The following CYB5R4 variants were observed in gnomAD, a reference collection of about 807,000 sequenced individuals.
CYB5R4 encodes N-terminal cytochrome b5 and cytochrome b5 oxidoreductase domain-containing protein.
In CYB5R4, 55 loss-of-function variants were observed where a neutral mutation model predicts 70.2. That is an observed-to-expected ratio of 0.78 (90% CI 0.63 to 0.98). CYB5R4 has a LOEUF of 0.98. Among genes scored for constraint, CYB5R4 ranks in the 50% least tolerant of loss-of-function variants. The pLI is 0.00. For missense variants in CYB5R4, 562 were observed against 612.6 expected, an observed-to-expected ratio of 0.92 and a Z score of 0.87; for synonymous variants, 197 against 199.5, an observed-to-expected ratio of 0.99 and a Z score of 0.11.
Position 83,965,797 on chromosome 6 carries a change from G to C in CYB5R4, c.*5919G>C, listed in dbSNP as rs768302682. 6.6e-6 allele frequency: 1 copy of C among 152,138 alleles called. No homozygotes were observed. The highest frequency in any genetic ancestry group is 1.5e-5 in the Non-Finnish European group (1 of 68,034). The allele number at this position is 152,138 out of a possible 1,614,324, so 9.4% of individuals were successfully genotyped here. A position where few individuals can be genotyped will look rare whatever the true frequency, so the allele number is the denominator to read the frequency against. On this transcript the variant is annotated 3_prime_UTR_variant, in exon 16 of 16. Coordinates refer to ENST00000369681, the MANE Select transcript of CYB5R4 (RefSeq NM_016230.4). ...GTGTTATACGTGGGACCTGGTGGGA[G>C]ATAATTTGAATCATGGGGGTGGTTT...
chr6:83,901,609 G>T (rs1189949226), intron 3 of CYB5R4, among the ~76,000 whole-genome samples: 1 of 152,014 alleles, frequency 6.6e-6, no homozygotes, highest in Admixed American at 6.6e-5. Flanking sequence ...ATCAGACGTA[G>T]ATTTGGTCTT....
chr6:83,885,093 A>ATC (rs1388403412), intron 2 of CYB5R4, among the ~76,000 whole-genome samples: 1 of 152,156 alleles, frequency 6.6e-6, no homozygotes, highest in Non-Finnish European at 1.5e-5. Context: ...TTTTAAAATA[A>ATC]TTTTACAAAT....
intron 8 of CYB5R4, among the ~76,000 whole-genome samples, chr6:83,921,746 A>G (rs2099466410): frequency 6.6e-6 from 1 of 152,268 alleles, no homozygotes; most frequent in African/African-American, 2.4e-5. Flanking sequence ...AGTTAAAAAT[A>G]TGAAACTCTT....
chr6:83,870,137 G>C (rs1011482496), intron 2 of CYB5R4, among the ~76,000 whole-genome samples: 1 of 152,148 alleles, frequency 6.6e-6, no homozygotes, highest in Non-Finnish European at 1.5e-5. Flanking sequence ...TGACAAACAT[G>C]TTGTCATTAT....
chr6:83,878,393 G>T (rs562498603), intron 2 of CYB5R4, among the ~76,000 whole-genome samples: 3 of 151,884 alleles, frequency 2.0e-5, no homozygotes, highest in Non-Finnish European at 4.4e-5. Context: ...TGTCACCCAG[G>T]CTGGAGTGCA....
chr6:83,871,742 A>AT, intron 2 of CYB5R4, among the ~76,000 whole-genome samples: 1 of 152,062 alleles, frequency 6.6e-6, no homozygotes, highest in East Asian at 1.9e-4. Flanking sequence ...GAATTCATTA[A>AT]TTTTATCTCA....
Position 83,866,387 on chromosome 6 carries a change from A to G in CYB5R4, c.229+2059A>G, listed in dbSNP as rs773625753. 5.9e-5 allele frequency among the ~76,000 whole-genome samples: 9 copies of G among 152,280 alleles called. No homozygotes were observed. The East Asian group carries it at 1.7e-3, about 29-fold the overall frequency. On this transcript the variant is annotated intron_variant, in intron 2 of 15. Coordinates refer to ENST00000369681, the MANE Select transcript of CYB5R4 (RefSeq NM_016230.4). ...TTTCAAATTTTGGAATATTTGCATT[A>G]TATACTTACTGGTTGAGCATCCCAA... is the stretch of plus-strand genomic sequence containing the variant.
chr6:83,876,890 G>T (rs2129130532), intron 2 of CYB5R4, among the ~76,000 whole-genome samples: 1 of 152,126 alleles, frequency 6.6e-6, no homozygotes, highest in East Asian at 1.9e-4. Flanking sequence ...CTGGAGTGCA[G>T]TGGCACGATC....
intron 14 of CYB5R4, among the ~76,000 whole-genome samples, chr6:83,953,449 CA>C (rs370621639): frequency 6.6e-5 from 10 of 151,018 alleles, no homozygotes; most frequent in African/African-American, 2.4e-4. Context: ...ACTACAGTTG[CA>C]GGCATTTTCT....
chr6:83,934,944 A>T (rs530076987), intron 11 of CYB5R4, among the ~76,000 whole-genome samples: 3 of 152,178 alleles, frequency 2.0e-5, no homozygotes, highest in Non-Finnish European at 4.4e-5. Flanking sequence ...TGGAACAAAG[A>T]TATTGCCAGT....
chr6:83,898,983 C>T (rs1413277782), intron 3 of CYB5R4, among the ~76,000 whole-genome samples: 1 of 152,170 alleles, frequency 6.6e-6, no homozygotes, highest in African/African-American at 2.4e-5. Flanking sequence ...TTGCCCTGGC[C>T]AGGACTTCCA....
intron 10 of CYB5R4, among the ~76,000 whole-genome samples, chr6:83,934,175 C>A (rs1397108403): frequency 6.6e-6 from 1 of 150,838 alleles, no homozygotes; most frequent in Non-Finnish European, 1.5e-5. Flanking sequence ...GGATGGATTG[C>A]TTGAGTCCAG....
At chr6:83,922,295 T>TA in intron 8 of CYB5R4, 143 bp from the exon 9 acceptor site, 1 of 549,822 alleles carries the variant, frequency 1.8e-6, no homozygotes, top group Non-Finnish European at 3.2e-6. Flanking sequence ...TTTGATTGTG[T>TA]AAAATTGTTT....
At chr6:83,885,166 T>C (rs2099460061) in intron 2 of CYB5R4, among the ~76,000 whole-genome samples, 1 of 152,200 alleles carries the variant, frequency 6.6e-6, no homozygotes. Flanking sequence ...AGTAGCATTG[T>C]TTTACATTTT....
chr6:83,863,432 A>G (rs2099456265), intron 1 of CYB5R4, among the ~76,000 whole-genome samples: 1 of 152,236 alleles, frequency 6.6e-6, no homozygotes, highest in Admixed American at 6.5e-5. Flanking sequence ...TAAGATTGCT[A>G]TCTAATGATT....
Position 83,934,751 on chromosome 6 carries a change from G to A in CYB5R4, c.955+16G>A, listed in dbSNP as rs1295415020. On this transcript the variant is annotated intron_variant, in intron 11 of 15. Coordinates refer to ENST00000369681, the MANE Select transcript of CYB5R4 (RefSeq NM_016230.4). ...CCTATTACAGGTAAGGTGAATAGAG[G>A]CTTTGGGACACAATTTATTCTTTTA... is the stretch of plus-strand genomic sequence containing the variant. The A allele has an allele frequency of 6.3e-7, 1 of 1,596,292 alleles. No individual in the cohort carries two copies. The highest frequency in any genetic ancestry group is 2.2e-5 in the East Asian group (1 of 44,586).
rs552684140 is a variant in CYB5R4, at chr6:83,940,988, G to A, written c.1346+387G>A. 2.6e-5 allele frequency among the ~76,000 whole-genome samples: 4 copies of A among 152,226 alleles called. No individual in the cohort carries two copies. The South Asian group carries it at 8.3e-4, about 32-fold the overall frequency. On this transcript the variant is annotated intron_variant, in intron 14 of 15. Coordinates refer to ENST00000369681, the MANE Select transcript of CYB5R4 (RefSeq NM_016230.4). ...ATTAAGCAAAATTAAACATGATATG[G>A]GATTTCTAAAGCCTTTAATATGTTA...
At chr6:83,874,447 C>T (rs921891715) in intron 2 of CYB5R4, among the ~76,000 whole-genome samples, 3 of 151,830 alleles carry the variant, frequency 2.0e-5, no homozygotes, top group Admixed American at 1.3e-4. Context: ...AGCAATCCTC[C>T]TGCCTTGGCC....
At chr6:83,945,590 A>T (rs769829431) in intron 14 of CYB5R4, among the ~76,000 whole-genome samples, 1 of 152,204 alleles carries the variant, frequency 6.6e-6, no homozygotes, top group African/African-American at 2.4e-5. Context: ...ATGTAAGGAG[A>T]TAGAGACATG....
Sources: gnomAD v4.1 joint callset for allele counts (sites outside exome capture counted in the v4.1 genomes callset) on GRCh38, gnomAD v4.1.1 for gene constraint, MANE v1.5 for transcripts, NCBI Gene and HGNC (gene_info 2026-07-23, HGNC 2026-07-21) for gene names.